IGF1R: variants seen among roughly 807,000 people sequenced by gnomAD.
IGF1R encodes insulin-like growth factor 1 receptor.
IGF1R carries 44 observed loss-of-function variants against 144.6 expected under a neutral mutation model. The observed-to-expected ratio is 0.30, with a 90% CI of 0.24 to 0.39. The LOEUF (loss-of-function observed/expected upper bound fraction) is 0.39. IGF1R is among the 10% of genes least tolerant of loss of function. IGF1R has a pLI of 1.00. For synonymous variants in IGF1R, 795 were observed against 722.8 expected, an observed-to-expected ratio of 1.10 and a Z score of -1.60; for missense variants, 1,355 against 1,833.7, an observed-to-expected ratio of 0.74 and a Z score of 4.77.
rs933039984 is a variant in IGF1R at position 98,707,286 on chromosome 15, C to G, written c.95-276C>G. Among the ~76,000 whole-genome samples the G allele has an allele frequency of 1.3e-5, 2 of 152,168 alleles. No individual in the cohort carries two copies. Among genetic ancestry groups the G allele is most frequent in the African/African-American group, 4.8e-5 (2 of 41,426 alleles). On this transcript the variant is annotated intron_variant, in intron 1 of 20. Transcript: ENST00000650285. This position sits in a 1 kb window ranked among gnomAD's most constrained non-coding sequence, Gnocchi z 6.7. The stretch of plus-strand genomic sequence containing the variant: ...CCTCTGTGTGCCTCTGGGCTGTAAG[C>G]TTTAGTTTGCACGGTTAACGGGGAT...
At chr15:98,651,874 C>T (rs1037242678) in intron 1 of IGF1R, among the ~76,000 whole-genome samples, 1 of 151,146 alleles carries the variant, frequency 6.6e-6, no homozygotes, top group Non-Finnish European at 1.5e-5. Context: ...CCCCTCCCTC[C>T]ATCTCTGAAA....
At chr15:98,802,911 T>G (rs566491955) in intron 2 of IGF1R, among the ~76,000 whole-genome samples, 1 of 152,350 alleles carries the variant, frequency 6.6e-6, no homozygotes, top group African/African-American at 2.4e-5. Flanking sequence ...TATGTAATGT[T>G]CTACTGGTAA....
At chr15:98,668,098 C>G (rs971587418) in intron 1 of IGF1R, among the ~76,000 whole-genome samples, 8 of 152,100 alleles carry the variant, frequency 5.3e-5, no homozygotes, top group Non-Finnish European at 1.2e-4. Flanking sequence ...GGGTCCATTT[C>G]TTGGCTTGCA....
At chr15:98,722,392 T>G (rs2054265998) in intron 2 of IGF1R, among the ~76,000 whole-genome samples, 1 of 152,182 alleles carries the variant, frequency 6.6e-6, no homozygotes, top group African/African-American at 2.4e-5. Context: ...CAGTACTGTT[T>G]GCCGAACACT....
chr15:98,678,875 A>G (rs145654322), intron 1 of IGF1R, among the ~76,000 whole-genome samples: 2 of 149,732 alleles, frequency 1.3e-5, no homozygotes, highest in East Asian at 3.9e-4. Flanking sequence ...AAGGTCTTCC[A>G]TGGGTGTTGG....
intron 1 of IGF1R, among the ~76,000 whole-genome samples, chr15:98,665,573 T>C (rs541260699): frequency 6.6e-6 from 1 of 152,322 alleles, no homozygotes; most frequent in East Asian, 1.9e-4. Context: ...AGTGGGACTA[T>C]GTTTCCAGCC....
chr15:98,739,180 T>C (rs2054680042), intron 2 of IGF1R, among the ~76,000 whole-genome samples: 1 of 152,218 alleles, frequency 6.6e-6, no homozygotes, highest in Non-Finnish European at 1.5e-5. Flanking sequence ...AATGCTTGAC[T>C]TGGGAACTAT....
At chr15:98,777,626 G>T (rs2055751978) in intron 2 of IGF1R, among the ~76,000 whole-genome samples, 1 of 152,244 alleles carries the variant, frequency 6.6e-6, no homozygotes, top group African/African-American at 2.4e-5. Flanking sequence ...TGTGGGGGCT[G>T]TCCAAAGTCA....
chr15:98,651,267 C>T (rs1023683279), intron 1 of IGF1R, among the ~76,000 whole-genome samples: 1 of 152,164 alleles, frequency 6.6e-6, no homozygotes, highest in Non-Finnish European at 1.5e-5. Context: ...AATGAGTCCG[C>T]GACGGAACGA....
intron 2 of IGF1R, among the ~76,000 whole-genome samples, chr15:98,839,018 G>T (rs900680683): frequency 1.3e-5 from 2 of 152,198 alleles, no homozygotes; most frequent in African/African-American, 4.8e-5. Flanking sequence ...GAGTGAAGAG[G>T]CCACTGGGTT....
intron 3 of IGF1R, among the ~76,000 whole-genome samples, chr15:98,892,527 C>CAAAAAA (rs368474118): frequency 1.2e-4 from 9 of 75,582 alleles, no homozygotes; most frequent in African/African-American, 4.0e-4. Context: ...ACTCTGTCTC[C>CAAAAAA]AAAAAAAAAA....
In IGF1R at chr15:98,796,779, G is replaced by A. The variant is rs1211404170; in HGVS notation, c.640+88672G>A. On this transcript the variant is annotated intron_variant, in intron 2 of 20. Transcript: ENST00000650285. ...CACGAATATAAGCTTTACAAGGACA[G>A]AAACCTTATCTTTTATTTATTTCTT... Among the ~76,000 whole-genome samples the A allele has an allele frequency of 2.0e-5, 3 of 152,250 alleles. No homozygotes were observed. In the East Asian group the frequency reaches 5.8e-4, roughly 29 times the overall value.
In IGF1R at chr15:98,730,412, G is replaced by A. The variant is rs1471031449; in HGVS notation, c.640+22305G>A. ...TTCTATTCTAATGCTGGTAAGAGATGCCTTAAACTGATTTTGAGAACTACC... is the reference window on the plus strand; with the variant it reads ...TTCTATTCTAATGCTGGTAAGAGATACCTTAAACTGATTTTGAGAACTACC... On this transcript the variant is annotated intron_variant, in intron 2 of 20. Transcript: ENST00000650285. Among the ~76,000 whole-genome samples the A allele has an allele frequency of 3.9e-5, 6 of 152,196 alleles. No homozygotes were observed. In the East Asian group the frequency reaches 7.7e-4, roughly 20 times the overall value.
chr15:98,943,137 C>G, intron 19 of IGF1R, 85 bp downstream of exon 19: 1 of 1,485,246 alleles, frequency 6.7e-7, no homozygotes. Context: ...CTTTATCTTT[C>G]TCTGTTCATT....
intron 2 of IGF1R, among the ~76,000 whole-genome samples, chr15:98,767,720 G>A (rs985092569): frequency 4.6e-5 from 7 of 152,126 alleles, no homozygotes; most frequent in Non-Finnish European, 1.0e-4. Context: ...TAGAGCGCAC[G>A]AACAAAAAAC....
rs45488597 is a variant in IGF1R at position 98,707,245 on chromosome 15, T to A, written c.95-317T>A. 0.044 allele frequency among the ~76,000 whole-genome samples: 6,663 copies of A among 152,240 alleles called. 388 individuals are homozygous for A. Among genetic ancestry groups the A allele is most frequent in the African/African-American group, 0.13 (5,406 of 41,528 alleles). On this transcript the variant is annotated intron_variant, in intron 1 of 20. Coordinates refer to ENST00000650285, the MANE Select transcript of IGF1R (RefSeq NM_000875.5). The surrounding 1 kb of genome is among the most constrained non-coding windows in gnomAD (Gnocchi z 6.7). ...AGTCCGGCTGGCCTGGGTTGCAGAT[T>A]TAACTTTCGCCTCTGCCTCTGTGTG... is the stretch of plus-strand genomic sequence containing the variant.
intron 1 of IGF1R, among the ~76,000 whole-genome samples, chr15:98,662,249 G>A (rs2052618619): frequency 6.6e-6 from 1 of 152,004 alleles, no homozygotes; most frequent in African/African-American, 2.4e-5. Flanking sequence ...CCATAGTGCT[G>A]GGATTACAGA....
intron 1 of IGF1R, chr15:98,651,093 T>C: frequency 1.0e-6 from 1 of 983,576 alleles, no homozygotes; most frequent in Non-Finnish European, 1.2e-6. Context: ...TGAGTAATGG[T>C]TGCCGAGGGT....
chr15:98,907,058 A>G (rs2014768097), intron 5 of IGF1R, among the ~76,000 whole-genome samples: 2 of 152,316 alleles, frequency 1.3e-5, no homozygotes, highest in South Asian at 2.1e-4. Context: ...TCACCTGTGC[A>G]TTCCCCTTGT....
Sources: gnomAD v4.1 joint callset for allele counts (sites outside exome capture counted in the v4.1 genomes callset) on GRCh38, gnomAD v4.1.1 for gene constraint, Gnocchi (gnomAD v3.1) non-coding constraint, MANE v1.5 for transcripts, NCBI Gene and HGNC (gene_info 2026-07-23, HGNC 2026-07-21) for gene names.